ZBED1: variants seen among roughly 807,000 people sequenced by gnomAD.
ZBED1 encodes zinc finger BED-type containing 1.
Under a neutral mutation model 49.7 loss-of-function variants are expected in ZBED1, and 19 were observed. The ratio of observed to expected loss-of-function variants is 0.38; its 90% confidence interval spans 0.27 to 0.56. The LOEUF (loss-of-function observed/expected upper bound fraction) is 0.56, where lower values mean the gene tolerates loss of function less well. ZBED1 is among the 20% of genes least tolerant of loss of function. The probability of loss-of-function intolerance (pLI) is 0.70; values close to 1 mark genes in which losing one functional copy is unlikely to be tolerated. For missense variants in ZBED1, 806 were observed against 972.6 expected (o/e 0.83, Z 2.28); for synonymous variants, 439 against 440.3 (o/e 1.00, Z 0.04).
intron 1 of ZBED1, among the ~76,000 whole-genome samples, chrX:2,492,673 G>A (rs1214380116): frequency 2.7e-5 from 4 of 150,772 alleles, no homozygotes; most frequent in African/African-American, 9.8e-5. Context: ...CATGGAGACA[G>A]AGGCAGAGAC....
In ZBED1 at chrX:2,488,315, C is replaced by T; in HGVS notation, c.*320G>A. ...CCTCAGCCTCCAGAAGCTGGGATTA[C>T]AGGCACATGCCATCAGTCCTGGCTA... is the stretch of plus-strand genomic sequence containing the variant. On this transcript the variant is annotated 3_prime_UTR_variant, in exon 2 of 2. Coordinates refer to ENST00000652001, the MANE Select transcript of ZBED1 (RefSeq NM_001171136.2). 3.3e-6 allele frequency: 1 copy of T among 300,192 alleles called. No homozygotes were observed. 18.6% of individuals were successfully genotyped at this position (300,192 alleles called of 1,614,324 possible).
At position 2,488,954 on chromosome X, in the gene ZBED1, T is replaced by C. The variant is rs145927120; in HGVS notation, c.1766A>G (p.Lys589Arg). Residue 589 changes from lysine to arginine, a missense_variant, in exon 2 of 2, where the codon AAG becomes AGG. Lys to Arg is a conservative substitution (Grantham distance 26). This residue lies in a region of ZBED1 where 749 missense variants were observed against 861.3 expected (regional missense o/e 0.87). Coordinates refer to ENST00000652001, the MANE Select transcript of ZBED1 (RefSeq NM_001171136.2). ...GAGGGCCAGGCGGTCTGACCACCAC[T>C]TGAGGGGGTCTTCGTTGAGGCCAAG... is the stretch of plus-strand genomic sequence containing the variant. ...KVLGLNEDPLKWWSDRLALFP... is the reference protein window; with the variant it reads ...KVLGLNEDPLRWWSDRLALFP... 9.4e-4 allele frequency: 1,506 copies of C among 1,597,150 alleles called. 12 individuals carry two copies. In the African/African-American group the frequency reaches 0.018, roughly 19 times the overall value.
chrX:2,490,915 G>A, intron 1 of ZBED1, 143 bp from the exon 2 acceptor site: 2 of 693,398 alleles, frequency 2.9e-6, no homozygotes, highest in Non-Finnish European at 4.8e-6. Context: ...TTCCTTGCGG[G>A]TCACTTTTGC....
In ZBED1 at chrX:2,500,945, C is replaced by T; in HGVS notation, c.-182G>A. The T allele has an allele frequency of 7.7e-6, 8 of 1,032,388 alleles. No individual in the cohort carries two copies. Among genetic ancestry groups the T allele is most frequent in the Non-Finnish European group, 9.3e-6 (8 of 860,400 alleles). The allele number at this position is 1,032,388 out of a possible 1,614,324, so 64.0% of individuals were successfully genotyped here. The stretch of plus-strand genomic sequence containing the variant: ...CGACATGGCTGCCCCGGCCGCGCCG[C>T]CGCCGCTTCCGCGCCGCCCGCGGGA... On this transcript the variant is annotated 5_prime_UTR_variant, in exon 1 of 2. Transcript: ENST00000652001.
In ZBED1 at chrX:2,488,862, G is replaced by C; in HGVS notation, c.1858C>G (p.Arg620Gly). 1 of 1,613,344 alleles carries C rather than the reference G, an allele frequency of 6.2e-7. No individual in the cohort carries two copies. Among genetic ancestry groups the C allele is most frequent in the Non-Finnish European group, 8.5e-7 (1 of 1,179,588 alleles). ...ACGTTGGCGGCGGATCCGAAGAGAC[G>C]CTCAGGGGCGACGCGCGTGGCCGTC... Reference protein sequence around the residue: ...CVTATRVAPERLFGSAANVVS... With the variant: ...CVTATRVAPEGLFGSAANVVS... The change falls in exon 2 of 2, where the codon CGT becomes GGT. Residue 620 changes from arginine to glycine, a missense_variant. Transcript: ENST00000652001.
chrX:2,490,135 G>A lies in ZBED1; in HGVS notation c.585C>T (p.Gly195=). Residue 195 remains glycine (G), a synonymous_variant, in exon 2 of 2, where the codon GGC becomes GGT. Coordinates refer to ENST00000652001, the MANE Select transcript of ZBED1 (RefSeq NM_001171136.2). ...CACTCCTCCACATGTCGGTGGAGATGCCACACCAGGTGGCCTCGGCCAGCT... is the reference window on the plus strand; with the variant it reads ...CACTCCTCCACATGTCGGTGGAGATACCACACCAGGTGGCCTCGGCCAGCT... ...LKELAEATWC[G]ISTDMWRSEN... 1 of 1,613,938 alleles carries A rather than the reference G, an allele frequency of 6.2e-7. No individual in the cohort carries two copies. Among genetic ancestry groups the A allele is most frequent in the African/African-American group, 1.3e-5 (1 of 75,058 alleles).
rs2045022017 is a variant in ZBED1 at position 2,488,724 on chromosome X, C to A, written c.1996G>T (p.Glu666Ter). ...EAEPEDQDEG[E>*]WGLDQEQVFS... is the part of the protein sequence containing the mutation. The stretch of plus-strand genomic sequence containing the variant: ...ACCTGCTCCTGGTCCAGGCCCCACT[C>A]CCCCTCGTCCTGGTCCTCGGGTTCC... Residue 666 changes from glutamate to a stop codon, truncating the protein, a stop_gained, in exon 2 of 2, where the codon GAG becomes TAG. Coordinates refer to ENST00000652001, the MANE Select transcript of ZBED1 (RefSeq NM_001171136.2). LOFTEE classifies it high-confidence loss of function. 6.2e-7 allele frequency: 1 copy of A among 1,613,966 alleles called. No individual in the cohort carries two copies. Among genetic ancestry groups the A allele is most frequent in the African/African-American group, 1.3e-5 (1 of 75,052 alleles).
In ZBED1 at chrX:2,490,579, G is replaced by A; in HGVS notation, c.141C>T (p.Cys47=). 1.2e-6 allele frequency: 2 copies of A among 1,613,986 alleles called. No homozygotes were observed. The highest frequency in any genetic ancestry group is 1.7e-6 in the Non-Finnish European group (2 of 1,179,858). ...GCILQWKKIY[C]RICMAQIAYS... ...AGGCGATCTGGGCCATGCAGATGCGGCAGTAGATTTTCTTCCACTGCAGGA... is the reference window on the plus strand; with the variant it reads ...AGGCGATCTGGGCCATGCAGATGCGACAGTAGATTTTCTTCCACTGCAGGA... The change falls in exon 2 of 2, where the codon TGC becomes TGT. Residue 47 remains cysteine (C), a synonymous_variant. Transcript: ENST00000652001.
chrX:2,499,095 C>T (rs2045350212), intron 1 of ZBED1, among the ~76,000 whole-genome samples: 1 of 152,108 alleles, frequency 6.6e-6, no homozygotes, highest in Admixed American at 6.6e-5. Context: ...TCCAGGCACG[C>T]TTCTCAAAGG....
chrX:2,488,883 C>A lies in ZBED1; in HGVS notation c.1837G>T (p.Ala613Ser). Residue 613 changes from alanine (A) to serine (S), a missense_variant, in exon 2 of 2, where the codon GCC becomes TCC. By Grantham distance (99) the Ala-to-Ser change is moderately conservative. This residue lies in a region of ZBED1 where 749 missense variants were observed against 861.3 expected (regional missense o/e 0.87). Coordinates refer to ENST00000652001, the MANE Select transcript of ZBED1 (RefSeq NM_001171136.2). Reference sequence around the variant, plus strand: ...AGACGCTCAGGGGCGACGCGCGTGGCCGTCACGCACCAGTACTTCTGCAGC... The same window carrying A: ...AGACGCTCAGGGGCGACGCGCGTGGACGTCACGCACCAGTACTTCTGCAGC... ...KVLQKYWCVT[A>S]TRVAPERLFG... The A allele has an allele frequency of 1.2e-6, 2 of 1,611,100 alleles. No individual in the cohort carries two copies. The highest frequency in any genetic ancestry group is 1.7e-6 in the Non-Finnish European group (2 of 1,178,220).
intron 1 of ZBED1, among the ~76,000 whole-genome samples, chrX:2,492,473 G>A (rs143539448): frequency 0.013 from 2,045 of 151,968 alleles, 48 homozygotes; most frequent in East Asian, 0.084. Context: ...ACAGTGGCCC[G>A]CAGAAAGATC....
Position 2,489,031 on chromosome X carries a change from C to T in ZBED1, c.1689G>A (p.Glu563=), listed in dbSNP as rs1222232303. The change falls in exon 2 of 2, where the codon GAG becomes GAA. Residue 563 remains glutamate (E), a synonymous_variant. Transcript: ENST00000652001. ...GCTCCTCCACCACCTGGGCATGCCA[C>T]TCTTCCTGGTCCTCCACGCCGCCTG... is the stretch of plus-strand genomic sequence containing the variant. ...CQTGGVEDQE[E]WHAQVVEELS... is the part of the protein sequence containing the mutation. 6.2e-7 allele frequency: 1 copy of T among 1,613,322 alleles called. No individual in the cohort carries two copies. The highest frequency in any genetic ancestry group is 8.5e-7 in the Non-Finnish European group (1 of 1,179,580).
chrX:2,493,102 G>A (rs2045198065), intron 1 of ZBED1, among the ~76,000 whole-genome samples: 1 of 152,236 alleles, frequency 6.6e-6, no homozygotes, highest in Non-Finnish European at 1.5e-5. Flanking sequence ...GGGGGGTCCT[G>A]TGGCCAATGC....
At position 2,489,813 on chromosome X, in the gene ZBED1, A is replaced by C. The variant is rs1162818276; in HGVS notation, c.907T>G (p.Phe303Val). 3 of 1,613,468 alleles carry C rather than the reference A, an allele frequency of 1.9e-6. No homozygotes were observed. The South Asian group carries it at 3.3e-5, about 18-fold the overall frequency. Reference sequence around the variant, plus strand: ...AGCGCCCCCAGCTTCGGGAGCTGGAAGGCCTGCTGGATGCCGGCATTGAAG... The same window carrying C: ...AGCGCCCCCAGCTTCGGGAGCTGGACGGCCTGCTGGATGCCGGCATTGAAG... ...HTFNAGIQQA[F>V]QLPKLGALLS... Residue 303 changes from phenylalanine (F) to valine (V), a missense_variant, in exon 2 of 2, where the codon TTC becomes GTC. Phe to Val is a conservative substitution (Grantham distance 50). Around this residue, in one of 2 missense-constraint regions of ZBED1, gnomAD observed 749 missense variants for 861.3 expected, o/e 0.87. Coordinates refer to ENST00000652001, the MANE Select transcript of ZBED1 (RefSeq NM_001171136.2).
chrX:2,488,427 G>A lies in ZBED1; in HGVS notation c.*208C>T, dbSNP rs1389222601. On this transcript the variant is annotated 3_prime_UTR_variant, in exon 2 of 2. Transcript: ENST00000652001. ...TGACCTCAGCTGATCTGCCCACCTC[G>A]GCCTCCCAAAGTGCTGCGATTATAG... 10 of 593,290 alleles carry A rather than the reference G, an allele frequency of 1.7e-5. No homozygotes were observed. Among genetic ancestry groups the A allele is most frequent in the South Asian group, 8.7e-5 (3 of 34,510 alleles). 36.8% of individuals were successfully genotyped at this position (593,290 alleles called of 1,614,324 possible).
At chrX:2,500,418 TG>T in intron 1 of ZBED1, 1 of 170,178 alleles carries the variant, frequency 5.9e-6, no homozygotes, top group Non-Finnish European at 1.3e-5. Flanking sequence ...CAGAGCCGCC[TG>T]ATGTCTTGGG....
In ZBED1 at chrX:2,490,334, G is replaced by A. The variant is rs1451031733; in HGVS notation, c.386C>T (p.Ala129Val). ...CCCCTCGCAGATGAGGCCCAGCACG[G>A]CGGCCGTCAGCTCCTGCTGCTTCTT... ...DSKKQQELTA[A>V]VLGLICEGLY... The change falls in exon 2 of 2, where the codon GCC becomes GTC. Residue 129 changes from alanine to valine, a missense_variant. Ala to Val is a moderately conservative substitution (Grantham distance 64, BLOSUM62 0). This residue lies in a region of ZBED1 where 749 missense variants were observed against 861.3 expected (regional missense o/e 0.87). Coordinates refer to ENST00000652001, the MANE Select transcript of ZBED1 (RefSeq NM_001171136.2). The A allele has an allele frequency of 1.2e-6, 2 of 1,613,044 alleles. No individual in the cohort carries two copies. Among genetic ancestry groups the A allele is most frequent in the Non-Finnish European group, 1.7e-6 (2 of 1,179,798 alleles).
Position 2,489,320 on chromosome X carries a change from A to C in ZBED1, c.1400T>G (p.Met467Arg). The change falls in exon 2 of 2, where the codon ATG (methionine) becomes AGG (arginine). Residue 467 changes from methionine to arginine, a missense_variant. Met to Arg is a moderately conservative substitution (Grantham distance 91, BLOSUM62 -1). Transcript: ENST00000652001. ...KTYQETPEID[M>R]FLNVATFLDP... ...CAGGAAGGTGGCCACGTTGAGAAAC[A>C]TGTCGATCTCGGGCGTCTCCTGGTA... 6.2e-7 allele frequency: 1 copy of C among 1,613,446 alleles called. No homozygotes were observed. Among genetic ancestry groups the C allele is most frequent in the South Asian group, 1.1e-5 (1 of 91,020 alleles).
At chrX:2,498,526 C>T (rs1160568632) in intron 1 of ZBED1, among the ~76,000 whole-genome samples, 1 of 151,196 alleles carries the variant, frequency 6.6e-6, no homozygotes, top group Non-Finnish European at 1.5e-5. Context: ...CATTCTGTTT[C>T]GATACACACC....
Sources: allele counts gnomAD v4.1 joint callset (sites outside exome capture counted in the v4.1 genomes callset), GRCh38; gene constraint gnomAD v4.1.1; regional missense constraint gnomAD v4.1.1; transcripts MANE v1.5; gene names NCBI Gene and HGNC (gene_info 2026-07-23, HGNC 2026-07-21).